The following EDEM3 variants were observed in gnomAD, a reference collection of about 807,000 sequenced individuals.
The protein encoded by EDEM3 is ER degradation enhancing alpha-mannosidase like protein 3.
A neutral mutation model predicts 110.2 loss-of-function variants in EDEM3; 60 were observed. The ratio of observed to expected loss-of-function variants is 0.54; its 90% CI spans 0.44 to 0.67. EDEM3 has a LOEUF of 0.67. EDEM3 is among the 30% of genes least tolerant of loss of function. The pLI, the probability that EDEM3 is intolerant of heterozygous loss-of-function variation, is 0.00. For missense variants in EDEM3, 996 were observed against 1,121.0 expected (o/e 0.89, Z 1.59); for synonymous variants, 352 against 382.9 (o/e 0.92, Z 0.94).
Position 184,716,999 on chromosome 1 carries a change from G to A in EDEM3, c.1259C>T (p.Pro420Leu), listed in dbSNP as rs1208426032. 7.5e-6 allele frequency: 12 copies of A among 1,610,694 alleles called. No homozygotes were observed. The South Asian group carries it at 1.3e-4, about 18-fold the overall frequency. Reference protein sequence around the residue: ...TYFLYKATGDPYYLEVGKTLI... With the variant: ...TYFLYKATGDLYYLEVGKTLI... ...TGTCTTCCCTACTTCAAGGTAGTAA[G>A]GATCTCCTGTAGCCTATTAAAAAGG... Residue 420 changes from proline (P) to leucine (L), a missense_variant, in exon 13 of 20, where the codon CCT (proline) becomes CTT (leucine). Transcript: ENST00000318130.
chr1:184,723,686 A>G, intron 8 of EDEM3, 65 bp downstream of exon 8: 1 of 1,204,244 alleles, frequency 8.3e-7, no homozygotes, highest in Non-Finnish European at 1.2e-6. Context: ...AACAAATGAA[A>G]ATTCTTTATT....
At chr1:184,721,153 T>C (rs1197359774) in intron 9 of EDEM3, 136 bp downstream of exon 9, 3 of 677,724 alleles carry the variant, frequency 4.4e-6, no homozygotes, top group Non-Finnish European at 4.9e-6. Context: ...CTGTTCAACA[T>C]CATCAGGAAA....
chr1:184,718,269 GA>G, intron 11 of EDEM3, among the ~76,000 whole-genome samples: 1 of 151,886 alleles, frequency 6.6e-6, no homozygotes, highest in Non-Finnish European at 1.5e-5. Context: ...TAGTCTATTT[GA>G]AATTTATTCA....
chr1:184,716,620 A>T (rs1210100236), intron 13 of EDEM3, among the ~76,000 whole-genome samples: 2 of 152,196 alleles, frequency 1.3e-5, no homozygotes, highest in African/African-American at 2.4e-5. Flanking sequence ...TAGTCCTAAC[A>T]CCAAGGTTCT....
intron 18 of EDEM3, 36 bp from the exon 19 acceptor site, chr1:184,703,032 T>C (rs776359872): frequency 5.1e-5 from 77 of 1,503,946 alleles, no homozygotes; most frequent in Non-Finnish European, 4.5e-6. Flanking sequence ...CATCAAAATA[T>C]CCAGCCATTA....
At chr1:184,701,600 G>A in intron 19 of EDEM3, 1 of 1,161,336 alleles carries the variant, frequency 8.6e-7, no homozygotes, top group Non-Finnish European at 1.1e-6. Flanking sequence ...GCATTAAAGA[G>A]TTACAAGAAA....
rs75239208 is a variant in EDEM3, at chr1:184,697,337, T to A, written c.2390-2865A>T. On this transcript the variant is annotated intron_variant, in intron 19 of 19. Coordinates refer to ENST00000318130, the MANE Select transcript of EDEM3 (RefSeq NM_025191.4). ...TTATATAATTTCAAAATGAATCTCA[T>A]TTGTACTTCTTGTTTTCGTTTTAGA... Among the ~76,000 whole-genome samples the A allele has an allele frequency of 2.9e-3, 434 of 152,030 alleles. 5 individuals are homozygous for A. The East Asian group carries it at 0.036, about 13-fold the overall frequency.
intron 6 of EDEM3, among the ~76,000 whole-genome samples, chr1:184,726,915 G>A (rs773509124): frequency 2.6e-5 from 4 of 152,198 alleles, no homozygotes; most frequent in Non-Finnish European, 5.9e-5. Context: ...TAAGAGTTTG[G>A]AAATATAGAG....
rs1650261350 is a variant in EDEM3 at position 184,711,884 on chromosome 1, G to A, written c.1537-7C>T. Reference sequence around the variant, plus strand: ...GTTCTGTATATTCCGAGGTCTACAAGAGAAAAACATTTTATGTAAACAGAA... The same window carrying A: ...GTTCTGTATATTCCGAGGTCTACAAAAGAAAAACATTTTATGTAAACAGAA... On this transcript the variant is annotated splice_polypyrimidine_tract_variant and splice_region_variant and intron_variant, in intron 14 of 19. Transcript: ENST00000318130. The A allele has an allele frequency of 1.3e-6, 2 of 1,573,326 alleles. No homozygotes were observed. Among genetic ancestry groups the A allele is most frequent in the African/African-American group, 2.8e-5 (2 of 72,508 alleles).
At position 184,708,394 on chromosome 1, in the gene EDEM3, C is replaced by G. The variant is rs770750789; in HGVS notation, c.1846-50G>C. ...ATCCTTCCTTTCTGGAAACTTCCAC[C>G]AATTTTTTGATTTCCTAAAGACACT... On this transcript the variant is annotated intron_variant, in intron 16 of 19. Coordinates refer to ENST00000318130, the MANE Select transcript of EDEM3 (RefSeq NM_025191.4). 6.3e-6 allele frequency: 10 copies of G among 1,594,040 alleles called. No homozygotes were observed. The South Asian group carries it at 1.1e-4, about 18-fold the overall frequency.
chr1:184,719,575 G>T lies in EDEM3; in HGVS notation c.952-7C>A, dbSNP rs1650763290. 6.2e-7 allele frequency: 1 copy of T among 1,613,194 alleles called. No individual in the cohort carries two copies. The highest frequency in any genetic ancestry group is 1.3e-5 in the African/African-American group (1 of 74,860). ...TCATTATGGCATCATAGTGCTAAAAGATCACAACATGTGTTCATGAAAGTT... is the reference window on the plus strand; with the variant it reads ...TCATTATGGCATCATAGTGCTAAAATATCACAACATGTGTTCATGAAAGTT... On this transcript the variant is annotated splice_region_variant and splice_polypyrimidine_tract_variant and intron_variant, in intron 9 of 19. Transcript: ENST00000318130.
intron 8 of EDEM3, among the ~76,000 whole-genome samples, chr1:184,722,448 T>C (rs775296661): frequency 5.0e-4 from 76 of 151,960 alleles, no homozygotes; most frequent in Admixed American, 2.6e-4. Flanking sequence ...AGCAGTGAAA[T>C]ACTAGAAAAC....
chr1:184,721,053 G>A (rs1292309201), intron 9 of EDEM3: 1 of 382,558 alleles, frequency 2.6e-6, no homozygotes. Context: ...ATCTCTTATT[G>A]GCAGATCTGC....
chr1:184,738,141 A>G (rs1034473453), intron 2 of EDEM3, among the ~76,000 whole-genome samples: 1 of 152,210 alleles, frequency 6.6e-6, no homozygotes, highest in Non-Finnish European at 1.5e-5. Context: ...CGTTTTTAGA[A>G]TGTTACAGAT....
chr1:184,735,834 A>G (rs1338047526), intron 4 of EDEM3, among the ~76,000 whole-genome samples: 3 of 152,148 alleles, frequency 2.0e-5, no homozygotes, highest in Non-Finnish European at 4.4e-5. Context: ...ATACACATAT[A>G]CATTTTAGTA....
At position 184,741,621 on chromosome 1, in the gene EDEM3, T is replaced by C. The variant is rs537722618; in HGVS notation, c.205-3910A>G. Among the ~76,000 whole-genome samples the C allele has an allele frequency of 9.2e-5, 14 of 152,316 alleles. No homozygotes were observed. In the East Asian group the frequency reaches 2.7e-3, roughly 29 times the overall value. ...CTGGAACCATAATTCCCCAAGTTGCTAGTGTTAGAACCCAAGTGGAATTGA... is the reference window on the plus strand; with the variant it reads ...CTGGAACCATAATTCCCCAAGTTGCCAGTGTTAGAACCCAAGTGGAATTGA... On this transcript the variant is annotated intron_variant, in intron 2 of 19. Coordinates refer to ENST00000318130, the MANE Select transcript of EDEM3 (RefSeq NM_025191.4).
intron 6 of EDEM3, among the ~76,000 whole-genome samples, chr1:184,727,756 T>G (rs1651269309): frequency 6.6e-6 from 1 of 152,202 alleles, no homozygotes; most frequent in Non-Finnish European, 1.5e-5. Flanking sequence ...AGTCTAGCAG[T>G]ACCCCTCCAT....
At chr1:184,722,273 A>G (rs994030029) in intron 8 of EDEM3, among the ~76,000 whole-genome samples, 4 of 152,018 alleles carry the variant, frequency 2.6e-5, no homozygotes, top group Non-Finnish European at 5.9e-5. Flanking sequence ...ATATTATGTT[A>G]TTTTAAATCT....
chr1:184,692,802 G>GC lies in EDEM3; in HGVS notation c.*1260_*1261insG, dbSNP rs1553266713. Reference sequence around the variant, plus strand: ...AACAACAAACCAAAAAAAAAAAGGGGGGGGGTGGAAGTCTCATTAAGCTAT... The same window carrying GC: ...AACAACAAACCAAAAAAAAAAAGGGGCGGGGGTGGAAGTCTCATTAAGCTAT... On this transcript the variant is annotated 3_prime_UTR_variant, in exon 20 of 20. Coordinates refer to ENST00000318130, the MANE Select transcript of EDEM3 (RefSeq NM_025191.4). The GC allele has an allele frequency of 6.7e-6, 1 of 148,912 alleles. No homozygotes were observed. Among genetic ancestry groups the GC allele is most frequent in the African/African-American group, 2.4e-5 (1 of 40,898 alleles). The allele number at this position is 148,912 out of a possible 1,614,324, so 9.2% of individuals were successfully genotyped here.
Sources: gnomAD v4.1 joint callset for allele counts (sites outside exome capture counted in the v4.1 genomes callset) on GRCh38, gnomAD v4.1.1 for gene constraint, MANE v1.5 for transcripts, NCBI Gene and HGNC (gene_info 2026-07-23, HGNC 2026-07-21) for gene names.